The following CLVS1 variants were observed in gnomAD, a reference collection of about 807,000 sequenced individuals.
The protein encoded by CLVS1 is clavesin-1.
CLVS1 carries 10 observed loss-of-function variants against 33.1 expected under a neutral mutation model. The ratio of observed to expected loss-of-function variants is 0.30; its 90% CI spans 0.19 to 0.51. The LOEUF (loss-of-function observed/expected upper bound fraction) is 0.51, where lower values mean the gene tolerates loss of function less well. CLVS1 is among the 20% of genes least tolerant of loss of function. CLVS1 has a pLI of 0.97. For missense variants in CLVS1, 343 were observed against 433.4 expected (o/e 0.79, Z 1.85); for synonymous variants, 163 against 166.1 (o/e 0.98, Z 0.14).
chr8:61,476,177 C>T (rs1171119002), intron 5 of CLVS1, among the ~76,000 whole-genome samples: 1 of 152,166 alleles, frequency 6.6e-6, no homozygotes, highest in Admixed American at 6.5e-5. Flanking sequence ...GGTACCAGGA[C>T]CATGCTGATT....
At chr8:61,003,757 T>C in the CLVS1 span, among the ~76,000 whole-genome samples, 2 of 152,328 alleles carry the variant, frequency 1.3e-5, no homozygotes, top group East Asian at 3.9e-4. Flanking sequence ...CATTCGTTCA[T>C]TCACTTAACA....
rs1408604339 is a variant in CLVS1, at chr8:61,354,512, C to CA, written c.456-22087dup. ...TCAGATAAATAAAAACCTATATTCA[C>CA]AAAAAAGCCTATACACAAATGTTCA... is the stretch of plus-strand genomic sequence containing the variant. On this transcript the variant is annotated intron_variant, in intron 2 of 5. Transcript: ENST00000325897. 2.6e-5 allele frequency among the ~76,000 whole-genome samples: 4 copies of CA among 152,058 alleles called. No homozygotes were observed. The East Asian group carries it at 5.8e-4, about 22-fold the overall frequency.
intron 2 of CLVS1, among the ~76,000 whole-genome samples, chr8:61,271,320 C>T (rs1183439765): frequency 0.011 from 1,593 of 150,896 alleles, 29 homozygotes; most frequent in African/African-American, 0.037. Context: ...TGGAGTTGAG[C>T]GGTTTTGAGT....
At chr8:61,279,288 T>C (rs1216676826) in intron 2 of CLVS1, among the ~76,000 whole-genome samples, 1 of 152,348 alleles carries the variant, frequency 6.6e-6, no homozygotes, top group East Asian at 1.9e-4. Context: ...AAGGCCATTC[T>C]TGGCCAGAGG....
intron 5 of CLVS1, among the ~76,000 whole-genome samples, chr8:61,464,088 C>CA (rs34442006): frequency 0.011 from 1,256 of 117,858 alleles, 18 homozygotes; most frequent in African/African-American, 0.036. Context: ...GACTCTGTCT[C>CA]AAAAAAAAAA....
the CLVS1 span, among the ~76,000 whole-genome samples, chr8:61,002,295 T>C: frequency 6.6e-6 from 1 of 151,164 alleles, no homozygotes; most frequent in South Asian, 2.1e-4. Flanking sequence ...CAATCCACTT[T>C]AACATGTATT....
chr8:61,147,667 T>C (rs77812418), intron 2 of CLVS1, among the ~76,000 whole-genome samples: 2,116 of 152,348 alleles, frequency 0.014, 56 homozygotes, highest in African/African-American at 0.048. Flanking sequence ...AAATGGAACT[T>C]GCTTAATTCC....
intron 3 of CLVS1, among the ~76,000 whole-genome samples, chr8:61,438,203 AGT>A (rs1205331290): frequency 6.6e-6 from 1 of 151,988 alleles, no homozygotes; most frequent in Non-Finnish European, 1.5e-5. Context: ...AACAGGCACC[AGT>A]GTGTGTTGGT....
At chr8:61,134,484 T>C (rs1806156604) in intron 2 of CLVS1, among the ~76,000 whole-genome samples, 1 of 152,246 alleles carries the variant, frequency 6.6e-6, no homozygotes, top group South Asian at 2.1e-4. Flanking sequence ...AATAATTTTA[T>C]GAAATCCAAA....
intron 2 of CLVS1, among the ~76,000 whole-genome samples, chr8:61,372,332 T>C (rs1368519464): frequency 6.6e-6 from 1 of 152,192 alleles, no homozygotes; most frequent in Non-Finnish European, 1.5e-5. Flanking sequence ...TTGGTTTGCT[T>C]AGGATCCTTG....
intron 1 of CLVS1, among the ~76,000 whole-genome samples, chr8:61,085,213 T>C (rs1805096087): frequency 6.6e-6 from 1 of 152,240 alleles, no homozygotes; most frequent in Non-Finnish European, 1.5e-5. Context: ...TTCTGTATAC[T>C]ATCCGGAGGC....
At chr8:61,279,804 T>C (rs966838267) in intron 2 of CLVS1, among the ~76,000 whole-genome samples, 1 of 152,238 alleles carries the variant, frequency 6.6e-6, no homozygotes, top group African/African-American at 2.4e-5. Context: ...AAATATTTTA[T>C]CCAGTTTCAG....
At chr8:61,118,566 G>A (rs1288350468) in intron 1 of CLVS1, among the ~76,000 whole-genome samples, 1 of 151,438 alleles carries the variant, frequency 6.6e-6, no homozygotes, top group East Asian at 1.9e-4. Context: ...ATTCTGGTAT[G>A]TTGTGTCTTT....
At chr8:61,018,587 T>C in the CLVS1 span, among the ~76,000 whole-genome samples, 128 of 152,346 alleles carry the variant, frequency 8.4e-4, no homozygotes, top group Non-Finnish European at 1.6e-3. Flanking sequence ...CTGATTAATG[T>C]ATAAACTGCT....
intron 2 of CLVS1, among the ~76,000 whole-genome samples, chr8:61,183,238 A>C (rs568721111): frequency 5.9e-5 from 9 of 152,318 alleles, no homozygotes; most frequent in African/African-American, 2.2e-4. Flanking sequence ...ATGGGTTCAT[A>C]GGTTCAGCAA....
intron 1 of CLVS1, among the ~76,000 whole-genome samples, chr8:61,298,468 G>A (rs561505197): frequency 2.0e-5 from 3 of 152,166 alleles, no homozygotes; most frequent in Admixed American, 6.5e-5. Flanking sequence ...CGTATCCAAA[G>A]ACATATAAAG....
rs1270078644 is a variant in CLVS1, at chr8:61,501,098, C to CTAAT, written c.*1558_*1561dup. 2 of 152,000 alleles carry CTAAT rather than the reference C, an allele frequency of 1.3e-5. No individual in the cohort carries two copies. Among genetic ancestry groups the CTAAT allele is most frequent in the African/African-American group, 4.8e-5 (2 of 41,398 alleles). 9.4% of individuals were successfully genotyped at this position (152,000 alleles called of 1,614,324 possible). Reference sequence around the variant, plus strand: ...CAACTGTATCACAATATAAATTAAACTAATTCATTTTTGTGTAGACATACG... The same window carrying CTAAT: ...CAACTGTATCACAATATAAATTAAACTAATTAATTCATTTTTGTGTAGACATACG... On this transcript the variant is annotated 3_prime_UTR_variant, in exon 6 of 6. Transcript: ENST00000325897.
intron 1 of CLVS1, among the ~76,000 whole-genome samples, chr8:61,130,615 TGTTTTGTTTG>T (rs1003016679): frequency 9.2e-5 from 14 of 152,262 alleles, no homozygotes; most frequent in African/African-American, 2.9e-4. Context: ...TGTTTTGTTT[TGTTTTGTTTG>T]TACATATAAT....
intron 2 of CLVS1, among the ~76,000 whole-genome samples, chr8:61,207,997 C>A (rs956459879): frequency 2.6e-5 from 4 of 152,116 alleles, no homozygotes; most frequent in African/African-American, 7.2e-5. Flanking sequence ...TAGATAAAAG[C>A]GAGGAGCAAA....
Sources: allele counts gnomAD v4.1 joint callset (sites outside exome capture counted in the v4.1 genomes callset), GRCh38; gene constraint gnomAD v4.1.1; transcripts MANE v1.5; gene names NCBI Gene and HGNC (gene_info 2026-07-23, HGNC 2026-07-21).